The following OFD1 variants were observed in gnomAD, a reference collection of about 807,000 sequenced individuals.
OFD1 encodes OFD1 centriole and centriolar satellite protein, also known as centriole and centriolar satellite protein OFD1.
Under a neutral mutation model 81.4 loss-of-function variants are expected in OFD1, and 12 were observed. The observed-to-expected ratio is 0.15, with a 90% confidence interval of 0.09 to 0.24. OFD1 has a LOEUF of 0.24. OFD1 is among the 10% of genes least tolerant of loss of function. OFD1 has a pLI of 1.00. For synonymous variants in OFD1, 256 were observed against 263.7 expected (o/e 0.97, Z 0.28); for missense variants, 685 against 733.9 (o/e 0.93, Z 0.77).
chrX:13,769,643 A>ACCC (rs200483295), downstream of OFD1, among the ~76,000 whole-genome samples: 1 of 110,401 alleles, frequency 9.1e-6, no homozygotes, highest in Non-Finnish European at 1.9e-5. Flanking sequence ...TGGAATTTAA[A>ACCC]CCCCCCCGTG....
In OFD1 at chrX:13,751,475, A is replaced by G. The variant is rs1171352772; in HGVS notation, c.1055+107A>G. The G allele has an allele frequency of 2.6e-5, 6 of 232,352 alleles. No individual in the cohort carries two copies. The East Asian group carries it at 6.3e-4, about 24-fold the overall frequency. 19.1% of individuals were successfully genotyped at this position (232,352 alleles called of 1,213,427 possible). A position where few individuals can be genotyped will look rare whatever the true frequency, so the allele number is the denominator to read the frequency against. On this transcript the variant is annotated intron_variant, in intron 10 of 22. Transcript: ENST00000340096. ...TAACTTAGGCAAACTTTAGTGTTTG[A>G]AAAAAAAAAAACATAGTTTTATCGA... is the stretch of plus-strand genomic sequence containing the variant.
chrX:13,734,957 G>A lies in OFD1; in HGVS notation c.-115G>A, dbSNP rs756858725. ...TTCCTCCCGAACCCTCGGGACAGAGGCAGGGTTCTGAGGGCAGGGATTCCC... is the reference window on the plus strand; with the variant it reads ...TTCCTCCCGAACCCTCGGGACAGAGACAGGGTTCTGAGGGCAGGGATTCCC... On this transcript the variant is annotated 5_prime_UTR_variant, in exon 1 of 23. Transcript: ENST00000340096. 593 of 1,138,330 alleles carry A rather than the reference G, an allele frequency of 5.2e-4. No homozygotes were observed. The highest frequency in any genetic ancestry group is 3.0e-3 in the Admixed American group (109 of 36,449). The allele number at this position is 1,138,330 out of a possible 1,213,427, so 93.8% of individuals were successfully genotyped here. A position where few individuals can be genotyped will look rare whatever the true frequency, so the allele number is the denominator to read the frequency against.
intron 5 of OFD1, among the ~76,000 whole-genome samples, chrX:13,741,134 G>A (rs1001557401): frequency 6.5e-5 from 7 of 107,321 alleles, no homozygotes; most frequent in Admixed American, 9.9e-5. Context: ...GCAAGACTCC[G>A]TCTCAAAAAA....
intron 11 of OFD1, 60 bp from the exon 12 acceptor site, chrX:13,755,091 A>G: frequency 2.4e-6 from 2 of 840,976 alleles, no homozygotes; most frequent in South Asian, 2.0e-5. Context: ...TAAATATTAA[A>G]TGGCTTTTGT....
intron 5 of OFD1, among the ~76,000 whole-genome samples, chrX:13,742,457 C>T (rs1657775417): frequency 8.9e-6 from 1 of 111,840 alleles, no homozygotes; most frequent in Admixed American, 9.4e-5. Flanking sequence ...GAGCAAGATA[C>T]ATGAAAGAAA....
chrX:13,762,375 A>C lies in OFD1; in HGVS notation c.2419A>C (p.Lys807Gln). The C allele has an allele frequency of 8.3e-7, 1 of 1,202,643 alleles. No homozygotes were observed. The highest frequency in any genetic ancestry group is 1.1e-6 in the Non-Finnish European group (1 of 886,936). The change falls in exon 18 of 23, where the codon AAA (lysine) becomes CAA (glutamine). Residue 807 changes from lysine (K) to glutamine (Q), a missense_variant. Physicochemically the swap from Lys to Gln is moderately conservative, Grantham distance 53 (BLOSUM62 1). Coordinates refer to ENST00000340096, the MANE Select transcript of OFD1 (RefSeq NM_003611.3). The part of the protein sequence containing the change: ...LYRRQTELQD[K>Q]SEFSDVDKLA... ...TCGAAGACAAACTGAACTTCAAGAC[A>C]AAAGTGAATTTTCAGATGTGGACAA...
chrX:13,744,250 A>G (rs956121501), intron 5 of OFD1, among the ~76,000 whole-genome samples, 165 bp from the exon 6 acceptor site: 3 of 111,642 alleles, frequency 2.7e-5, no homozygotes, highest in African/African-American at 9.8e-5. Context: ...CCATGATTAC[A>G]CCACTGCACT....
intron 21 of OFD1, 118 bp downstream of exon 21, chrX:13,768,342 G>C: frequency 1.7e-6 from 1 of 603,251 alleles, no homozygotes; most frequent in East Asian, 3.3e-5. Context: ...GAAAAGTATA[G>C]AAAATCCAAA....
chrX:13,771,249 C>T (rs3827471), downstream of OFD1: 5 of 111,837 alleles, frequency 4.5e-5, no homozygotes, highest in East Asian at 1.1e-3. Flanking sequence ...GCTTTAGACA[C>T]TGCCTCTTCT....
At position 13,755,219 on chromosome X, in the gene OFD1, G is replaced by A; in HGVS notation, c.1198G>A (p.Val400Ile). The change falls in exon 12 of 23, where the codon GTA becomes ATA. Residue 400 changes from valine (V) to isoleucine (I), a missense_variant. By Grantham distance (29) the Val-to-Ile change is conservative (BLOSUM62 3). This residue lies in a region of OFD1 where 414 missense variants were observed against 447.2 expected (regional missense o/e 0.93). Transcript: ENST00000340096. ...NSKKEELNQS[V>I]NRVKELELEL... The stretch of plus-strand genomic sequence containing the variant: ...AAAAAAGGAGGAACTCAATCAATCT[G>A]TAAATCGTGTGAAAGAACTTGAGGT... 8.4e-7 allele frequency: 1 copy of A among 1,194,188 alleles called. No individual in the cohort carries two copies. The highest frequency in any genetic ancestry group is 1.8e-5 in the South Asian group (1 of 56,626).
At chrX:13,770,798 A>C (rs1217502011), downstream of OFD1, among the ~76,000 whole-genome samples, 1 of 112,136 alleles carries the variant, frequency 8.9e-6, no homozygotes, top group Non-Finnish European at 1.9e-5. Flanking sequence ...TGCTGAAGAG[A>C]TTTTTGCCAG....
rs2047368577 is a variant in OFD1 at position 13,748,248 on chromosome X, C to T, written c.829-1179C>T. Among the ~76,000 whole-genome samples the T allele has an allele frequency of 2.7e-5, 3 of 112,186 alleles. No homozygotes were observed. In the South Asian group the frequency reaches 1.1e-3, roughly 41 times the overall value. ...CTTCAAGATAGGTGACTGACTAGAT[C>T]CCTGTTTATTTATCTGATCATCTGA... On this transcript the variant is annotated intron_variant, in intron 8 of 22. Coordinates refer to ENST00000340096, the MANE Select transcript of OFD1 (RefSeq NM_003611.3).
chrX:13,749,666 T>C lies in OFD1; in HGVS notation c.935+133T>C, dbSNP rs77159331. On this transcript the variant is annotated intron_variant, in intron 9 of 22. Coordinates refer to ENST00000340096, the MANE Select transcript of OFD1 (RefSeq NM_003611.3). ...TGTAAAGGGGATATCACCTAGAAGG[T>C]ACAAATTAAGAGGAACAAACACTAG... is the stretch of plus-strand genomic sequence containing the variant. The C allele has an allele frequency of 8.3e-6, 4 of 480,661 alleles. No individual in the cohort carries two copies. The East Asian group carries it at 1.5e-4, about 18-fold the overall frequency. The allele number at this position is 480,661 out of a possible 1,213,427, so 39.6% of individuals were successfully genotyped here.
At chrX:13,720,568 A>C in the OFD1 span, 2 of 112,507 alleles carry the variant, frequency 1.8e-5, no homozygotes, top group African/African-American at 6.5e-5. Flanking sequence ...TTCTACTTGA[A>C]GTATGTGTGC....
intron 6 of OFD1, among the ~76,000 whole-genome samples, chrX:13,745,313 G>A (rs1377177615): frequency 8.9e-6 from 1 of 112,242 alleles, no homozygotes; most frequent in Non-Finnish European, 1.9e-5. Flanking sequence ...GTTGAAAAAA[G>A]TAAAAAGAAA....
the OFD1 span, among the ~76,000 whole-genome samples, chrX:13,726,492 A>T: frequency 8.9e-6 from 1 of 111,912 alleles, no homozygotes; most frequent in African/African-American, 3.3e-5. Context: ...AGAATTTCAT[A>T]TCCAGCCAAA....
chrX:13,727,184 T>C, the OFD1 span, among the ~76,000 whole-genome samples: 749 of 110,888 alleles, frequency 6.8e-3, 4 homozygotes, highest in African/African-American at 0.023. Context: ...CCACTGTCAA[T>C]ATCAGATCAA....
downstream of OFD1, among the ~76,000 whole-genome samples, chrX:13,769,858 C>T (rs2032683827): frequency 8.9e-6 from 1 of 111,788 alleles, no homozygotes; most frequent in Non-Finnish European, 1.9e-5. Context: ...CCTGCCAGTG[C>T]CTTCCTTGAT....
At chrX:13,720,105 A>C in the OFD1 span, 1 of 466,975 alleles carries the variant, frequency 2.1e-6, no homozygotes, top group Non-Finnish European at 3.3e-6. Context: ...GATGCTACTA[A>C]GCTTGGCAGT....
Sources: gnomAD v4.1 joint callset for allele counts (sites outside exome capture counted in the v4.1 genomes callset) on GRCh38, gnomAD v4.1.1 for gene constraint, gnomAD v4.1.1 regional missense constraint, MANE v1.5 for transcripts, NCBI Gene and HGNC (gene_info 2026-07-23, HGNC 2026-07-21) for gene names.